TTC27: variants seen among roughly 807,000 people sequenced by gnomAD.
TTC27 encodes tetratricopeptide repeat domain 27, also known as tetratricopeptide repeat protein 27.
Under a neutral mutation model 115.9 loss-of-function variants are expected in TTC27, and 79 were observed. That is an observed-to-expected ratio of 0.68 (90% CI 0.57 to 0.82). TTC27 has a LOEUF of 0.82. TTC27 is among the 40% of genes least tolerant of loss of function. The pLI is 0.00. For synonymous variants in TTC27, 401 were observed against 356.0 expected (o/e 1.13, Z -1.42); for missense variants, 1,054 against 993.1 (o/e 1.06, Z -0.82).
At chr2:32,803,791 C>T (rs1216356090) in intron 16 of TTC27, among the ~76,000 whole-genome samples, 2 of 152,156 alleles carry the variant, frequency 1.3e-5, no homozygotes, top group African/African-American at 2.4e-5. Context: ...TGGTGGATCA[C>T]CTGAGGTCAG....
intron 10 of TTC27, among the ~76,000 whole-genome samples, chr2:32,710,412 T>G (rs1320074390): frequency 1.3e-5 from 2 of 150,672 alleles, no homozygotes; most frequent in Non-Finnish European, 2.9e-5. Context: ...CTTTTAGGTG[T>G]TTATAAGTAT....
intron 14 of TTC27, among the ~76,000 whole-genome samples, chr2:32,778,246 T>A (rs953987069): frequency 2.6e-5 from 4 of 152,242 alleles, no homozygotes; most frequent in African/African-American, 9.6e-5. Flanking sequence ...ATATATTTTG[T>A]CATTCATTAG....
chr2:32,768,036 G>C (rs1669698942), intron 13 of TTC27, among the ~76,000 whole-genome samples: 1 of 152,092 alleles, frequency 6.6e-6, no homozygotes, highest in Non-Finnish European at 1.5e-5. Context: ...ATATTCATTA[G>C]TAAAATATCA....
intron 13 of TTC27, among the ~76,000 whole-genome samples, chr2:32,762,894 T>C (rs11124295): frequency 0.99 from 150,941 of 152,222 alleles, 74,854 homozygotes; most frequent in Middle Eastern, 1. Context: ...CCCGCCTCGG[T>C]CTCCCAAAGT....
At chr2:32,666,524 A>C in intron 6 of TTC27, 111 bp from the exon 7 acceptor site, 1 of 1,159,582 alleles carries the variant, frequency 8.6e-7, no homozygotes, top group Non-Finnish European at 1.2e-6. Flanking sequence ...TCTTATGTGA[A>C]ATGGAGAAAA....
Position 32,644,050 on chromosome 2 carries a change from G to A in TTC27, c.537+3640G>A, listed in dbSNP as rs1211738975. Among the ~76,000 whole-genome samples the A allele has an allele frequency of 5.9e-5, 9 of 151,870 alleles. No homozygotes were observed. In the East Asian group the frequency reaches 1.6e-3, roughly 26 times the overall value. On this transcript the variant is annotated intron_variant, in intron 4 of 19. Transcript: ENST00000317907. ...ACAAAAGTTAGCCGGGTGTAATGGC[G>A]GGTGCCTGTAATCTCAGCTACTTGG...
intron 13 of TTC27, among the ~76,000 whole-genome samples, chr2:32,773,681 G>A (rs1227941362): frequency 6.6e-6 from 1 of 152,230 alleles, no homozygotes. Flanking sequence ...GAACGCATGA[G>A]TAATGTGTGG....
rs551491977 is a variant in TTC27, at chr2:32,733,358, G to A, written c.1234-470G>A. ...AGCCTTATTGCTCTGTTGCTGAAGAGTGAGAGAACTTGCTCTCTGTGATCA... is the reference window on the plus strand; with the variant it reads ...AGCCTTATTGCTCTGTTGCTGAAGAATGAGAGAACTTGCTCTCTGTGATCA... On this transcript the variant is annotated intron_variant, in intron 10 of 19. Coordinates refer to ENST00000317907, the MANE Select transcript of TTC27 (RefSeq NM_017735.5). Among the ~76,000 whole-genome samples, 13 of 152,326 alleles carry A rather than the reference G, an allele frequency of 8.5e-5. No homozygotes were observed. In the South Asian group the frequency reaches 1.7e-3, roughly 19 times the overall value.
intron 5 of TTC27, among the ~76,000 whole-genome samples, chr2:32,652,284 T>C (rs1352053169): frequency 6.6e-6 from 1 of 152,070 alleles, no homozygotes; most frequent in Non-Finnish European, 1.5e-5. Flanking sequence ...GGCAGGAGAA[T>C]GGTGTGAACC....
intron 16 of TTC27, among the ~76,000 whole-genome samples, chr2:32,788,310 T>A (rs1346279215): frequency 6.6e-6 from 1 of 152,206 alleles, no homozygotes; most frequent in Non-Finnish European, 1.5e-5. Flanking sequence ...TCCAGCATTC[T>A]TTAGAATCAC....
chr2:32,633,735 T>G, intron 2 of TTC27, 141 bp from the exon 3 acceptor site: 4 of 956,912 alleles, frequency 4.2e-6, no homozygotes, highest in Non-Finnish European at 2.9e-6. Context: ...TAGAAATTTT[T>G]TTTTTTGGTA....
intron 7 of TTC27, among the ~76,000 whole-genome samples, chr2:32,667,479 T>C (rs7571838): frequency 0.84 from 122,746 of 146,604 alleles, 51,471 homozygotes; most frequent in Middle Eastern, 0.91. Flanking sequence ...TGTAGTGGCG[T>C]AATCTCGGCT....
At chr2:32,701,873 T>TG (rs1165241144) in intron 9 of TTC27, among the ~76,000 whole-genome samples, 2 of 151,612 alleles carry the variant, frequency 1.3e-5, no homozygotes, top group Admixed American at 6.6e-5. Context: ...TAGCCGGGCA[T>TG]GGTGGTACAG....
chr2:32,811,721 T>C (rs1171807273), intron 17 of TTC27, among the ~76,000 whole-genome samples: 1 of 152,236 alleles, frequency 6.6e-6, no homozygotes, highest in Admixed American at 6.5e-5. Flanking sequence ...ACAAGTGCGA[T>C]AGAACACCAG....
intron 10 of TTC27, among the ~76,000 whole-genome samples, chr2:32,730,547 TAA>T (rs34242666): frequency 2.0e-5 from 3 of 148,454 alleles, no homozygotes; most frequent in Non-Finnish European, 3.0e-5. Flanking sequence ...ATTAGCAAAT[TAA>T]AAAAAAAAAG....
intron 12 of TTC27, among the ~76,000 whole-genome samples, chr2:32,749,495 A>G (rs1479732237): frequency 1.3e-5 from 2 of 152,214 alleles, no homozygotes; most frequent in African/African-American, 4.8e-5. Flanking sequence ...ACCAAGATTT[A>G]GCATTTCTCT....
rs201880522 is a variant in TTC27 at position 32,650,266 on chromosome 2, G to C, written c.640+33G>C. 1.3e-3 allele frequency: 2,007 copies of C among 1,535,674 alleles called. 5 individuals are homozygous for C. The highest frequency in any genetic ancestry group is 1.7e-3 in the Non-Finnish European group (1,882 of 1,114,306). ...GCAGATTTTTGTTTGATATGGGCAT[G>C]TAGCTCAGTTCTAATTACTTGGCTG... On this transcript the variant is annotated intron_variant, in intron 5 of 19. Coordinates refer to ENST00000317907, the MANE Select transcript of TTC27 (RefSeq NM_017735.5).
intron 16 of TTC27, among the ~76,000 whole-genome samples, chr2:32,801,918 A>G (rs1020535543): frequency 1.3e-5 from 2 of 152,242 alleles, no homozygotes; most frequent in Non-Finnish European, 2.9e-5. Flanking sequence ...TTAGTCATAT[A>G]CAATATTGGG....
intron 14 of TTC27, among the ~76,000 whole-genome samples, chr2:32,781,074 T>C (rs1422699547): frequency 1.3e-5 from 2 of 152,192 alleles, no homozygotes; most frequent in Admixed American, 6.5e-5. Context: ...TTTGGGGAGC[T>C]GGCAAGCTTC....
Sources: allele counts gnomAD v4.1 joint callset (sites outside exome capture counted in the v4.1 genomes callset), GRCh38; gene constraint gnomAD v4.1.1; transcripts MANE v1.5; gene names NCBI Gene and HGNC (gene_info 2026-07-23, HGNC 2026-07-21).